The following FHIT variants were observed in gnomAD, a reference collection of about 807,000 sequenced individuals.
The protein encoded by FHIT is fragile histidine triad diadenosine triphosphatase.
In FHIT, 19 loss-of-function variants were observed where a neutral mutation model predicts 17.9. The ratio of observed to expected loss-of-function variants is 1.06; its 90% CI spans 0.74 to 1.56. The LOEUF is 1.56. FHIT is among the 40% of genes most tolerant of loss of function. FHIT has a pLI of 0.00. For synonymous variants in FHIT, 81 were observed against 69.7 expected, an observed-to-expected ratio of 1.16 and a Z score of -0.81; for missense variants, 248 against 189.2, an observed-to-expected ratio of 1.31 and a Z score of -1.82.
At chr3:60,176,550 C>T (rs952577823) in intron 5 of FHIT, among the ~76,000 whole-genome samples, 1 of 152,158 alleles carries the variant, frequency 6.6e-6, no homozygotes, top group Admixed American at 6.5e-5. Context: ...GATATATAAA[C>T]AAACACCTGG....
chr3:60,904,557 C>A (rs1553764027), intron 3 of FHIT, among the ~76,000 whole-genome samples: 1 of 151,218 alleles, frequency 6.6e-6, no homozygotes. Context: ...CAAAAAATAC[C>A]ATAAGCAAAA....
intron 7 of FHIT, among the ~76,000 whole-genome samples, chr3:59,948,067 G>A (rs1281815746): frequency 1.3e-5 from 2 of 152,086 alleles, no homozygotes; most frequent in African/African-American, 4.8e-5. Context: ...CCTTTTGACT[G>A]TGTCCAGTTT....
intron 5 of FHIT, among the ~76,000 whole-genome samples, chr3:60,439,325 G>C (rs527516899): frequency 1.3e-5 from 2 of 152,176 alleles, no homozygotes; most frequent in African/African-American, 4.8e-5. Context: ...TTATTTCTTG[G>C]TAAAGCAACA....
At chr3:60,217,999 T>C (rs1046280900) in intron 5 of FHIT, among the ~76,000 whole-genome samples, 1 of 152,200 alleles carries the variant, frequency 6.6e-6, no homozygotes, top group African/African-American at 2.4e-5. Flanking sequence ...TCTCAATTTT[T>C]GGTTTTGAAA....
chr3:61,024,885 C>T (rs1164746908), intron 3 of FHIT, among the ~76,000 whole-genome samples: 2 of 149,084 alleles, frequency 1.3e-5, no homozygotes, highest in South Asian at 2.1e-4. Flanking sequence ...CAAGTGACAG[C>T]TTTTTTTTTT....
chr3:60,370,876 T>A (rs1200842379), intron 5 of FHIT, among the ~76,000 whole-genome samples: 1 of 152,242 alleles, frequency 6.6e-6, no homozygotes, highest in African/African-American at 2.4e-5. Context: ...ATGTACTAAG[T>A]ATTCCCACAC....
rs568842909 is a variant in FHIT, at chr3:59,925,536, C to T, written c.280-3122G>A. ...GGGGTTGCGAACCTGCACTTGGGAA[C>T]CTCCAGGGTCCAGGTCTATCCCCTG... is the stretch of plus-strand genomic sequence containing the variant. On this transcript the variant is annotated intron_variant, in intron 7 of 9. Coordinates refer to ENST00000492590, the MANE Select transcript of FHIT (RefSeq NM_002012.4). Among the ~76,000 whole-genome samples the T allele has an allele frequency of 3.9e-5, 6 of 152,258 alleles. No individual in the cohort carries two copies. The South Asian group carries it at 1.2e-3, about 32-fold the overall frequency.
At chr3:60,958,025 G>C (rs1709250484) in intron 3 of FHIT, among the ~76,000 whole-genome samples, 1 of 151,930 alleles carries the variant, frequency 6.6e-6, no homozygotes, top group Non-Finnish European at 1.5e-5. Flanking sequence ...TTATTCTTTT[G>C]TACGCACTTA....
chr3:60,270,009 G>A (rs7636129), intron 5 of FHIT, among the ~76,000 whole-genome samples: 2 of 152,012 alleles, frequency 1.3e-5, no homozygotes, highest in Admixed American at 6.6e-5. Context: ...CTCATACGAC[G>A]CCAGAACTAA....
At chr3:60,897,455 A>T (rs1705885076) in intron 3 of FHIT, among the ~76,000 whole-genome samples, 1 of 152,152 alleles carries the variant, frequency 6.6e-6, no homozygotes, top group Admixed American at 6.5e-5. Context: ...GTTTTTTGCC[A>T]TGCCAAAGAG....
chr3:61,073,318 G>A (rs1438003249), intron 2 of FHIT, among the ~76,000 whole-genome samples: 1 of 152,116 alleles, frequency 6.6e-6, no homozygotes, highest in Non-Finnish European at 1.5e-5. Flanking sequence ...TTGGCCTATA[G>A]GGGCCCTATA....
At chr3:61,014,824 A>ATATATATG (rs2032015155) in intron 3 of FHIT, among the ~76,000 whole-genome samples, 1 of 138,414 alleles carries the variant, frequency 7.2e-6, no homozygotes, top group African/African-American at 2.7e-5. Flanking sequence ...ATATATATAT[A>ATATATATG]TGTATACACA....
At chr3:60,054,954 T>G (rs113039744) in intron 5 of FHIT, among the ~76,000 whole-genome samples, 2,302 of 152,274 alleles carry the variant, frequency 0.015, 28 homozygotes, top group Non-Finnish European at 0.022. Context: ...CTACCTTTGC[T>G]GTATACTCCA....
intron 5 of FHIT, among the ~76,000 whole-genome samples, chr3:60,359,836 A>G (rs1467723846): frequency 3.3e-5 from 5 of 152,196 alleles, no homozygotes; most frequent in Non-Finnish European, 7.3e-5. Context: ...AGAATTTTAT[A>G]TATCAGGCTG....
chr3:60,407,067 ATT>A (rs34542104), intron 5 of FHIT, among the ~76,000 whole-genome samples: 113 of 62,882 alleles, frequency 1.8e-3, no homozygotes, highest in South Asian at 7.0e-3. Flanking sequence ...CCTGCCAATA[ATT>A]TTTTTTTTTT....
At chr3:60,497,386 T>C (rs938219981) in intron 5 of FHIT, among the ~76,000 whole-genome samples, 81 of 152,206 alleles carry the variant, frequency 5.3e-4, no homozygotes, top group African/African-American at 1.9e-3. Context: ...ACATTATTCT[T>C]TGTACATTCT....
At chr3:60,750,446 C>A (rs1001774051) in intron 4 of FHIT, among the ~76,000 whole-genome samples, 7 of 152,106 alleles carry the variant, frequency 4.6e-5, no homozygotes, top group African/African-American at 1.7e-4. Flanking sequence ...AGGAACCCAG[C>A]AGGAGGTGAT....
At chr3:60,907,728 C>T (rs1391000428) in intron 3 of FHIT, among the ~76,000 whole-genome samples, 1 of 152,172 alleles carries the variant, frequency 6.6e-6, no homozygotes, top group African/African-American at 2.4e-5. Context: ...ATGTTAATAA[C>T]TGGATCCTCA....
At chr3:60,285,067 A>C (rs1187629979) in intron 5 of FHIT, among the ~76,000 whole-genome samples, 2 of 152,070 alleles carry the variant, frequency 1.3e-5, no homozygotes, top group Non-Finnish European at 2.9e-5. Context: ...TTTTATTCAA[A>C]TATTCTCCCT....
Sources: gnomAD v4.1 joint callset for allele counts (sites outside exome capture counted in the v4.1 genomes callset) on GRCh38, gnomAD v4.1.1 for gene constraint, MANE v1.5 for transcripts, NCBI Gene and HGNC (gene_info 2026-07-23, HGNC 2026-07-21) for gene names.